CFAP299: variants seen among roughly 807,000 people sequenced by gnomAD.
The protein encoded by CFAP299 is cilia and flagella associated protein 299, also known as cilia- and flagella-associated protein 299.
Under a neutral mutation model 27.0 loss-of-function variants are expected in CFAP299, and 21 were observed. The observed-to-expected ratio is 0.78, with a 90% CI of 0.55 to 1.12. The LOEUF (loss-of-function observed/expected upper bound fraction) is 1.12. CFAP299 is among the 50% of genes most tolerant of loss of function. The pLI, the probability that CFAP299 is intolerant of heterozygous loss-of-function variation, is 0.00. For missense variants in CFAP299, 310 were observed against 276.6 expected, an observed-to-expected ratio of 1.12 and a Z score of -0.86; for synonymous variants, 104 against 98.1, an observed-to-expected ratio of 1.06 and a Z score of -0.36.
intron 4 of CFAP299, among the ~76,000 whole-genome samples, chr4:80,909,193 A>G (rs1435096500): frequency 6.6e-6 from 1 of 151,416 alleles, no homozygotes; most frequent in Admixed American, 6.6e-5. Flanking sequence ...TTTTTCTACT[A>G]CTTAACTACG....
intron 2 of CFAP299, among the ~76,000 whole-genome samples, chr4:80,430,360 C>T (rs1465671611): frequency 6.6e-6 from 1 of 152,210 alleles, no homozygotes; most frequent in Non-Finnish European, 1.5e-5. Context: ...TATTTCTCTG[C>T]CTTGCAATAC....
intron 4 of CFAP299, among the ~76,000 whole-genome samples, chr4:80,917,260 C>G (rs1221165819): frequency 6.6e-6 from 1 of 151,894 alleles, no homozygotes; most frequent in Admixed American, 6.6e-5. Flanking sequence ...TGTACTATTT[C>G]GCAGATAACC....
At chr4:80,770,821 C>T (rs935306960) in intron 3 of CFAP299, among the ~76,000 whole-genome samples, 4 of 152,070 alleles carry the variant, frequency 2.6e-5, no homozygotes, top group African/African-American at 9.7e-5. Context: ...TGTTATTTGT[C>T]AGATGAGGCC....
chr4:80,609,637 T>C (rs1338895327), intron 3 of CFAP299, among the ~76,000 whole-genome samples: 2 of 152,066 alleles, frequency 1.3e-5, no homozygotes, highest in Non-Finnish European at 2.9e-5. Context: ...ATGGAACATA[T>C]GATTTTTTTC....
intron 3 of CFAP299, among the ~76,000 whole-genome samples, chr4:80,860,017 G>A (rs544466097): frequency 8.5e-5 from 13 of 152,204 alleles, no homozygotes; most frequent in South Asian, 2.1e-4. Flanking sequence ...TTCCAACTTG[G>A]TTCCATTCTC....
At chr4:80,497,915 A>T (rs11936241) in intron 2 of CFAP299, among the ~76,000 whole-genome samples, 11,480 of 152,176 alleles carry the variant, frequency 0.075, 624 homozygotes, top group East Asian at 0.25. Context: ...ACAGACACAT[A>T]GACCAATGGA....
chr4:80,866,683 A>G (rs1000434089), intron 3 of CFAP299, among the ~76,000 whole-genome samples: 1 of 152,166 alleles, frequency 6.6e-6, no homozygotes, highest in African/African-American at 2.4e-5. Flanking sequence ...ACCCGCACTT[A>G]TAGTCCGCTT....
At chr4:80,894,244 G>C (rs780473926) in intron 4 of CFAP299, among the ~76,000 whole-genome samples, 1 of 151,806 alleles carries the variant, frequency 6.6e-6, no homozygotes, top group Non-Finnish European at 1.5e-5. Flanking sequence ...AAAAAAAAGA[G>C]AATCTTTGTA....
chr4:80,800,461 ATATAATATATAATATAT>A (rs1312243153), intron 3 of CFAP299, among the ~76,000 whole-genome samples: 469 of 13,760 alleles, frequency 0.034, 33 homozygotes, highest in South Asian at 0.15. Context: ...TTAATATAAT[ATATAATATATAATATAT>A]TATATAATAT....
chr4:80,755,998 A>G (rs898027564), intron 3 of CFAP299, among the ~76,000 whole-genome samples: 1 of 152,130 alleles, frequency 6.6e-6, no homozygotes, highest in Non-Finnish European at 1.5e-5. Flanking sequence ...TGAATAGTGT[A>G]TATACCCTGT....
At chr4:80,341,720 TC>T (rs1722466444) in intron 1 of CFAP299, among the ~76,000 whole-genome samples, 2 of 152,182 alleles carry the variant, frequency 1.3e-5, no homozygotes, top group South Asian at 4.1e-4. Context: ...TGAGAAACAG[TC>T]ATTGCAAAAA....
intron 3 of CFAP299, among the ~76,000 whole-genome samples, chr4:80,745,719 G>A (rs1040004240): frequency 1.3e-5 from 2 of 151,866 alleles, no homozygotes; most frequent in Admixed American, 1.3e-4. Flanking sequence ...TTAGATTTCT[G>A]AAATTTTTAC....
chr4:80,343,799 TAAAAA>T (rs35187249), intron 1 of CFAP299, among the ~76,000 whole-genome samples: 66 of 75,362 alleles, frequency 8.8e-4, no homozygotes, highest in East Asian at 5.3e-3. Context: ...AGACTCCGTC[TAAAAA>T]AAAAAAAAAA....
At chr4:80,778,772 A>G (rs1578115400) in intron 3 of CFAP299, among the ~76,000 whole-genome samples, 1 of 152,070 alleles carries the variant, frequency 6.6e-6, no homozygotes, top group Non-Finnish European at 1.5e-5. Flanking sequence ...GTTTTTCCCA[A>G]TGCCAACATC....
intron 3 of CFAP299, among the ~76,000 whole-genome samples, chr4:80,682,859 T>C (rs539856161): frequency 6.6e-6 from 1 of 152,132 alleles, no homozygotes; most frequent in Non-Finnish European, 1.5e-5. Flanking sequence ...GACCTGCCAT[T>C]CGATAATACC....
chr4:80,789,785 T>A (rs1727445232), intron 3 of CFAP299, among the ~76,000 whole-genome samples: 1 of 152,034 alleles, frequency 6.6e-6, no homozygotes, highest in Non-Finnish European at 1.5e-5. Flanking sequence ...ATTTAATGCC[T>A]TCTCATCAAG....
intron 4 of CFAP299, among the ~76,000 whole-genome samples, chr4:80,919,360 T>G (rs1179304868): frequency 6.6e-6 from 1 of 152,094 alleles, no homozygotes; most frequent in Non-Finnish European, 1.5e-5. Flanking sequence ...AGAACAAATG[T>G]GGTACAAGAA....
intron 2 of CFAP299, among the ~76,000 whole-genome samples, chr4:80,485,970 A>AT (rs1186369217): frequency 3.3e-5 from 5 of 151,858 alleles, no homozygotes; most frequent in Non-Finnish European, 5.9e-5. Flanking sequence ...TTATATATTT[A>AT]TTTTTTTAGA....
At chr4:80,851,399 A>G (rs1309165650) in intron 3 of CFAP299, among the ~76,000 whole-genome samples, 1 of 152,192 alleles carries the variant, frequency 6.6e-6, no homozygotes, top group Non-Finnish European at 1.5e-5. Flanking sequence ...AAACCTCTTA[A>G]CATTTTGTGA....
Sources: gnomAD v4.1 joint callset for allele counts (sites outside exome capture counted in the v4.1 genomes callset) on GRCh38, gnomAD v4.1.1 for gene constraint, MANE v1.5 for transcripts, NCBI Gene and HGNC (gene_info 2026-07-23, HGNC 2026-07-21) for gene names.